The following VPS13B variants were observed in gnomAD, a reference collection of about 807,000 sequenced individuals.
The protein encoded by VPS13B is intermembrane lipid transfer protein VPS13B.
In VPS13B, 285 loss-of-function variants were observed where a neutral mutation model predicts 426.4. The ratio of observed to expected loss-of-function variants is 0.67; its 90% CI spans 0.61 to 0.74. The LOEUF (loss-of-function observed/expected upper bound fraction) is 0.74, where lower values mean the gene tolerates loss of function less well. VPS13B is among the 30% of genes least tolerant of loss of function. The pLI is 0.00. For missense variants in VPS13B, 4,537 were observed against 4,782.6 expected, an observed-to-expected ratio of 0.95 and a Z score of 1.51; for synonymous variants, 1,676 against 1,676.4, an observed-to-expected ratio of 1.00 and a Z score of 0.01.
chr8:99,177,346 AT>A (rs1194382928), intron 16 of VPS13B, among the ~76,000 whole-genome samples: 2 of 152,106 alleles, frequency 1.3e-5, no homozygotes, highest in Non-Finnish European at 2.9e-5. Flanking sequence ...TTTTCCTTAT[AT>A]TTTTGGTTGT....
At chr8:99,323,697 A>G (rs1810100471) in intron 19 of VPS13B, among the ~76,000 whole-genome samples, 1 of 152,126 alleles carries the variant, frequency 6.6e-6, no homozygotes, top group South Asian at 2.1e-4. Context: ...TAAAACTTAG[A>G]TAGGCTACCA....
intron 19 of VPS13B, among the ~76,000 whole-genome samples, chr8:99,369,957 A>T (rs3134299): frequency 0.74 from 112,708 of 152,106 alleles, 42,430 homozygotes; most frequent in South Asian, 0.87. Flanking sequence ...TTTACCTGTC[A>T]TTAGTAATCA....
intron 2 of VPS13B, among the ~76,000 whole-genome samples, chr8:99,030,997 G>A (rs1199272342): frequency 6.6e-6 from 1 of 152,166 alleles, no homozygotes; most frequent in African/African-American, 2.4e-5. Flanking sequence ...GTGACTAGAC[G>A]TAGGCTGTAG....
chr8:99,068,716 G>T (rs190709920), intron 3 of VPS13B, among the ~76,000 whole-genome samples: 1 of 152,086 alleles, frequency 6.6e-6, no homozygotes, highest in Non-Finnish European at 1.5e-5. Flanking sequence ...CAGCAGGGGT[G>T]GGGGGAATGC....
chr8:99,866,131 G>A (rs555121559), intron 58 of VPS13B, among the ~76,000 whole-genome samples: 22 of 152,342 alleles, frequency 1.4e-4, no homozygotes, highest in East Asian at 3.9e-4. Context: ...CCCACCCCAC[G>A]GGCCTGAGGC....
intron 21 of VPS13B, among the ~76,000 whole-genome samples, chr8:99,412,978 T>A (rs1353234605): frequency 1.3e-5 from 2 of 152,194 alleles, no homozygotes; most frequent in African/African-American, 4.8e-5. Context: ...TTACTGAGGA[T>A]TTTTGCATTG....
chr8:99,438,105 T>C lies in VPS13B; in HGVS notation c.3211-4296T>C, dbSNP rs1350017423. 3.3e-5 allele frequency among the ~76,000 whole-genome samples: 5 copies of C among 150,038 alleles called. No individual in the cohort carries two copies. The East Asian group carries it at 1.0e-3, about 30-fold the overall frequency. ...CTGAAGTCTTCTGAGTTTAATGGCA[T>C]TTTTAATTTCAATACCAAGCATTCT... On this transcript the variant is annotated intron_variant, in intron 22 of 61. Transcript: ENST00000357162.
At chr8:99,831,710 C>T (rs191271963) in intron 51 of VPS13B, among the ~76,000 whole-genome samples, 1 of 152,216 alleles carries the variant, frequency 6.6e-6, no homozygotes, top group East Asian at 1.9e-4. Context: ...TACAATATAA[C>T]AATCATTTAC....
chr8:99,423,969 A>C, intron 21 of VPS13B, among the ~76,000 whole-genome samples: 1 of 151,972 alleles, frequency 6.6e-6, no homozygotes, highest in Admixed American at 6.6e-5. Flanking sequence ...AGCTTTGTTA[A>C]CTTTCTGTCT....
At chr8:99,264,480 A>G (rs1290862680) in intron 17 of VPS13B, among the ~76,000 whole-genome samples, 1 of 152,048 alleles carries the variant, frequency 6.6e-6, no homozygotes, top group Admixed American at 6.6e-5. Flanking sequence ...TTTATATGTA[A>G]TTGATTGGAC....
At chr8:99,149,623 GTTT>G (rs5893484) in intron 14 of VPS13B, among the ~76,000 whole-genome samples, 2 of 140,858 alleles carry the variant, frequency 1.4e-5, no homozygotes, top group Admixed American at 7.0e-5. Context: ...TGGCCTATGT[GTTT>G]TTTTTTTTTT....
chr8:99,342,668 CAT>C (rs1463447129), intron 19 of VPS13B, among the ~76,000 whole-genome samples: 2 of 152,094 alleles, frequency 1.3e-5, no homozygotes, highest in African/African-American at 4.8e-5. Flanking sequence ...AGGCTGATAC[CAT>C]ATCTTGTCTA....
chr8:99,466,994 T>G (rs1416251123), intron 23 of VPS13B, among the ~76,000 whole-genome samples: 1 of 152,142 alleles, frequency 6.6e-6, no homozygotes, highest in African/African-American at 2.4e-5. Flanking sequence ...ACTGGGTGGC[T>G]TAAAGCAACA....
rs774937754 is a variant in VPS13B, at chr8:99,875,630, G to C, written c.11958G>C (p.Met3986Ile). 3 of 1,614,134 alleles carry C rather than the reference G, an allele frequency of 1.9e-6. No individual in the cohort carries two copies. The highest frequency in any genetic ancestry group is 2.5e-6 in the Non-Finnish European group (3 of 1,180,028). Residue 3986 changes from methionine to isoleucine, a missense_variant, in exon 62 of 62, where the codon ATG becomes ATC. Physicochemically the swap from Met to Ile is conservative, Grantham distance 10. This residue lies in a region of VPS13B where 4,311 missense variants were observed against 4,474.3 expected (regional missense o/e 0.96). Transcript: ENST00000357162. ...AGGTCTTCCTTAGTAAATTTACCAT[G>C]GTGAAAAATAAAGCCCTGAGGAAAG... ...FAQVFLSKFT[M>I]VKNKALRKGF...
At chr8:99,412,709 G>A (rs1815752273) in intron 21 of VPS13B, among the ~76,000 whole-genome samples, 3 of 152,216 alleles carry the variant, frequency 2.0e-5, no homozygotes, top group Admixed American at 2.0e-4. Flanking sequence ...CTGTGGGTTT[G>A]TCATAAATAG....
intron 17 of VPS13B, among the ~76,000 whole-genome samples, chr8:99,264,766 T>C (rs558401072): frequency 6.6e-6 from 1 of 152,316 alleles, no homozygotes; most frequent in South Asian, 2.1e-4. Flanking sequence ...ACACTTTTAA[T>C]TTGCAACTCC....
At chr8:99,379,768 T>C (rs1475729840) in intron 19 of VPS13B, among the ~76,000 whole-genome samples, 1 of 152,176 alleles carries the variant, frequency 6.6e-6, no homozygotes, top group African/African-American at 2.4e-5. Context: ...AGTGAATGCT[T>C]TCTTTATTGT....
chr8:99,681,985 G>C (rs1355853596), intron 35 of VPS13B, among the ~76,000 whole-genome samples: 1 of 152,128 alleles, frequency 6.6e-6, no homozygotes, highest in Non-Finnish European at 1.5e-5. Flanking sequence ...AAAATTCACT[G>C]TTCAAATTCA....
At chr8:99,430,598 A>C (rs938315408) in intron 21 of VPS13B, among the ~76,000 whole-genome samples, 15 of 151,850 alleles carry the variant, frequency 9.9e-5, no homozygotes, top group Admixed American at 7.2e-4. Context: ...TACTTGGAAG[A>C]ACAAAATTTT....
Sources: allele counts gnomAD v4.1 joint callset (sites outside exome capture counted in the v4.1 genomes callset), GRCh38; gene constraint gnomAD v4.1.1; regional missense constraint gnomAD v4.1.1; transcripts MANE v1.5; gene names NCBI Gene and HGNC (gene_info 2026-07-23, HGNC 2026-07-21).